Variants in GABRA2 observed in about 807,000 individuals in gnomAD.
The protein encoded by GABRA2 is gamma-aminobutyric acid receptor subunit alpha-2.
Under a neutral mutation model 48.7 loss-of-function variants are expected in GABRA2, and 16 were observed. The observed-to-expected ratio is 0.33, with a 90% CI of 0.22 to 0.50. The LOEUF is 0.50. Ranked by LOEUF, GABRA2 falls within the 20% of genes least tolerant of loss-of-function variation. The pLI is 0.98. For missense variants in GABRA2, 275 were observed against 535.6 expected (o/e 0.51, Z 4.80); for synonymous variants, 185 against 184.5 (o/e 1.00, Z -0.02).
intron 6 of GABRA2, among the ~76,000 whole-genome samples, chr4:46,308,426 G>T (rs1395301388): frequency 6.6e-6 from 1 of 152,118 alleles, no homozygotes; most frequent in African/African-American, 2.4e-5. Context: ...AGGAATAAAT[G>T]AGTAGAAGAA....
chr4:46,343,757 A>G (rs1336779318), intron 3 of GABRA2, among the ~76,000 whole-genome samples: 2 of 152,022 alleles, frequency 1.3e-5, no homozygotes, highest in Non-Finnish European at 2.9e-5. Context: ...TAAATGAGTT[A>G]CTTTATAAAA....
chr4:46,247,144 TAGAG>T lies in GABRA2; in HGVS notation c.*3160_*3163del, dbSNP rs1713857552. Among the ~76,000 whole-genome samples, 2 of 151,130 alleles carry T rather than the reference TAGAG, an allele frequency of 1.3e-5. No homozygotes were observed. The highest frequency in any genetic ancestry group is 2.4e-5 in the African/African-American group (1 of 41,310). On this transcript the variant is annotated 3_prime_UTR_variant, in exon 10 of 10. Transcript: ENST00000381620. ...ATCCAAACCTGAGATAAATTCAAAA[TAGAG>T]AGATACCTGAAAAGATTTCTAAACA... is the stretch of plus-strand genomic sequence containing the variant.
chr4:46,263,117 A>G (rs1160613177), intron 8 of GABRA2, among the ~76,000 whole-genome samples: 1 of 152,106 alleles, frequency 6.6e-6, no homozygotes, highest in Non-Finnish European at 1.5e-5. Context: ...ATATATGTGT[A>G]TATACATACA....
intron 8 of GABRA2, among the ~76,000 whole-genome samples, chr4:46,289,104 T>C (rs927523601): frequency 6.6e-6 from 1 of 152,098 alleles, no homozygotes; most frequent in African/African-American, 2.4e-5. Context: ...GCACTGTTGG[T>C]GTGAGTGTAA....
intron 8 of GABRA2, among the ~76,000 whole-genome samples, chr4:46,290,640 T>C (rs1021250809): frequency 2.0e-5 from 3 of 152,174 alleles, no homozygotes; most frequent in African/African-American, 2.4e-5. Context: ...TCGTTAAAAT[T>C]GTTTTTAAGC....
chr4:46,287,658 T>G (rs1044951274), intron 8 of GABRA2, among the ~76,000 whole-genome samples: 3 of 143,660 alleles, frequency 2.1e-5, no homozygotes, highest in Admixed American at 1.4e-4. Context: ...AGGGATAGCA[T>G]TGGGAGATAT....
intron 8 of GABRA2, among the ~76,000 whole-genome samples, chr4:46,298,271 A>G (rs551614829): frequency 6.6e-6 from 1 of 152,084 alleles, no homozygotes; most frequent in South Asian, 2.1e-4. Flanking sequence ...TCCCAATTTT[A>G]CTATTCCAAG....
chr4:46,343,355 C>G (rs1473092924), intron 3 of GABRA2, among the ~76,000 whole-genome samples: 1 of 151,892 alleles, frequency 6.6e-6, no homozygotes, highest in Non-Finnish European at 1.5e-5. Flanking sequence ...AACCATTTAG[C>G]CTGACTCAAT....
chr4:46,275,551 T>G (rs1041472668), intron 8 of GABRA2, among the ~76,000 whole-genome samples: 2 of 152,124 alleles, frequency 1.3e-5, no homozygotes, highest in South Asian at 2.1e-4. Context: ...AGAACCACTA[T>G]TATATTCCAA....
At chr4:46,378,216 A>AG (rs750811648) in intron 3 of GABRA2, among the ~76,000 whole-genome samples, 64 of 152,310 alleles carry the variant, frequency 4.2e-4, no homozygotes, top group Non-Finnish European at 7.5e-4. Context: ...TGGAATGGAA[A>AG]GGGGGGAAGG....
chr4:46,290,406 G>A (rs926683175), intron 8 of GABRA2, among the ~76,000 whole-genome samples: 2 of 129,068 alleles, frequency 1.5e-5, no homozygotes, highest in South Asian at 2.2e-4. Flanking sequence ...ATCTCTTAAC[G>A]TAGAATGTCT....
chr4:46,390,032 A>T lies in GABRA2; in HGVS notation c.-308T>A, dbSNP rs1157791373. On this transcript the variant is annotated 5_prime_UTR_variant, in exon 1 of 10. Coordinates refer to ENST00000381620, the MANE Select transcript of GABRA2 (RefSeq NM_000807.4). The stretch of plus-strand genomic sequence containing the variant: ...GAGGAGGAGGAAGAGGAGGAGGGGG[A>T]AAACGATGACAGGAGCTGGGGCCGG... 41 of 448,202 alleles carry T rather than the reference A, an allele frequency of 9.1e-5. No homozygotes were observed. Among genetic ancestry groups the T allele is most frequent in the Non-Finnish European group, 1.1e-4 (41 of 365,872 alleles). The allele number at this position is 448,202 out of a possible 1,614,324, so 27.8% of individuals were successfully genotyped here.
chr4:46,344,447 G>A (rs1184751998), intron 3 of GABRA2, among the ~76,000 whole-genome samples: 1 of 151,848 alleles, frequency 6.6e-6, no homozygotes, highest in Non-Finnish European at 1.5e-5. Flanking sequence ...CTAAAGAGAT[G>A]TTCAAAAAGC....
At chr4:46,296,612 C>A (rs561536737) in intron 8 of GABRA2, among the ~76,000 whole-genome samples, 1 of 145,962 alleles carries the variant, frequency 6.9e-6, no homozygotes, top group East Asian at 2.1e-4. Context: ...CTACAAATGG[C>A]CCAGCCACTT....
chr4:46,332,825 C>A, intron 3 of GABRA2, 143 bp from the exon 4 acceptor site: 1 of 540,636 alleles, frequency 1.8e-6, no homozygotes, highest in Non-Finnish European at 3.4e-6. Context: ...ACTTTCGCAA[C>A]CATAATGACT....
Position 46,297,476 on chromosome 4 carries a change from CATAT to C in GABRA2, c.856+5980_856+5983del, listed in dbSNP as rs56201706. On this transcript the variant is annotated intron_variant, in intron 8 of 9. Coordinates refer to ENST00000381620, the MANE Select transcript of GABRA2 (RefSeq NM_000807.4). The stretch of plus-strand genomic sequence containing the variant: ...GAGTTAATACTACTTAATAAAATCC[CATAT>C]ATATATATATATATATATATATATA... Among the ~76,000 whole-genome samples the C allele has an allele frequency of 3.1e-3, 275 of 87,840 alleles. 6 individuals are homozygous for C. The highest frequency in any genetic ancestry group is 8.4e-3 in the East Asian group (29 of 3,460). The allele number at this position is 87,840 out of a possible 152,430, so 57.6% of individuals were successfully genotyped here.
At chr4:46,315,435 T>C (rs1728387404) in intron 4 of GABRA2, among the ~76,000 whole-genome samples, 1 of 152,068 alleles carries the variant, frequency 6.6e-6, no homozygotes, top group South Asian at 2.1e-4. Context: ...CCTGCCAATC[T>C]ATCTAACATA....
At chr4:46,346,218 TA>T (rs1734116951) in intron 3 of GABRA2, among the ~76,000 whole-genome samples, 1 of 151,934 alleles carries the variant, frequency 6.6e-6, no homozygotes, top group South Asian at 2.1e-4. Context: ...TAGTAAAAGT[TA>T]AAAACATTAA....
chr4:46,337,690 A>G (rs1732501244), intron 3 of GABRA2, among the ~76,000 whole-genome samples: 1 of 150,068 alleles, frequency 6.7e-6, no homozygotes, highest in South Asian at 2.1e-4. Flanking sequence ...AGCAAATGGT[A>G]GAAGTCAAGG....
Sources: allele counts gnomAD v4.1 joint callset (sites outside exome capture counted in the v4.1 genomes callset), GRCh38; gene constraint gnomAD v4.1.1; transcripts MANE v1.5; gene names NCBI Gene and HGNC (gene_info 2026-07-23, HGNC 2026-07-21).